RYR3: variants seen among roughly 807,000 people sequenced by gnomAD.
RYR3 encodes brain ryanodine receptor-calcium release channel.
In RYR3, 207 loss-of-function variants were observed where a neutral mutation model predicts 584.3. The ratio of observed to expected loss-of-function variants is 0.35; its 90% CI spans 0.32 to 0.40. RYR3 has a LOEUF of 0.40. Ranked by LOEUF, RYR3 falls within the 10% of genes least tolerant of loss-of-function variation. The pLI, the probability that RYR3 is intolerant of heterozygous loss-of-function variation, is 1.00. For missense variants in RYR3, 5,616 were observed against 6,089.2 expected (o/e 0.92, Z 2.59); for synonymous variants, 2,416 against 2,248.5 (o/e 1.07, Z -2.11).
rs1456113465 is a variant in RYR3 at position 33,680,437 on chromosome 15, T to C, written c.5860+9881T>C. Among the ~76,000 whole-genome samples the C allele has an allele frequency of 3.9e-5, 6 of 152,240 alleles. No homozygotes were observed. The South Asian group carries it at 6.2e-4, about 16-fold the overall frequency. ...GCTCTGCTCACTCTCCAGGCAGTCA[T>C]CTTGCTTCTTGTTCCAGCTTTGCCC... On this transcript the variant is annotated intron_variant, in intron 38 of 103. Coordinates refer to ENST00000634891, the MANE Select transcript of RYR3 (RefSeq NM_001036.6).
intron 90 of RYR3, 44 bp from the exon 91 acceptor site, chr15:33,841,820 C>T (rs568012352): frequency 3.1e-5 from 48 of 1,544,570 alleles, no homozygotes; most frequent in East Asian, 1.9e-4. Context: ...TGGGCCAGAC[C>T]GCCCTCCCGT....
intron 102 of RYR3, among the ~76,000 whole-genome samples, chr15:33,862,232 G>C (rs1045888221): frequency 1.3e-5 from 2 of 152,158 alleles, no homozygotes; most frequent in African/African-American, 4.8e-5. Flanking sequence ...TTTCGAGATA[G>C]ATAGGGTCTC....
chr15:33,451,206 C>T (rs1348084557), intron 1 of RYR3, among the ~76,000 whole-genome samples: 1 of 152,164 alleles, frequency 6.6e-6, no homozygotes, highest in African/African-American at 2.4e-5. Context: ...ACATAACAGG[C>T]ACTCCATAAA....
rs575622296 is a variant in RYR3 at position 33,514,245 on chromosome 15, G to A, written c.279+10507G>A. Among the ~76,000 whole-genome samples the A allele has an allele frequency of 4.6e-5, 7 of 152,260 alleles. No homozygotes were observed. The East Asian group carries it at 7.7e-4, about 17-fold the overall frequency. ...CGAGAGAGAAACATGCATTGGCACC[G>A]GCACTGATAAGAATCACCTGGTGCC... On this transcript the variant is annotated intron_variant, in intron 3 of 103. Coordinates refer to ENST00000634891, the MANE Select transcript of RYR3 (RefSeq NM_001036.6).
chr15:33,725,973 C>CCCCG lies in RYR3; in HGVS notation c.6913-410_6913-409insGCCC, dbSNP rs1567033714. The stretch of plus-strand genomic sequence containing the variant: ...TGACAGAGCAAGACTCCATCCCCCC[C>CCCCG]CCCAAAAAAAAAAAAAAAAAAAAAC... On this transcript the variant is annotated intron_variant, in intron 45 of 103. Coordinates refer to ENST00000634891, the MANE Select transcript of RYR3 (RefSeq NM_001036.6). Among the ~76,000 whole-genome samples, 11 of 23,080 alleles carry CCCCG rather than the reference C, an allele frequency of 4.8e-4. 1 individual carries two copies. The highest frequency in any genetic ancestry group is 2.7e-3 in the South Asian group (1 of 366). 15.1% of individuals were successfully genotyped at this position (23,080 alleles called of 152,430 possible).
rs533986958 is a variant in RYR3, at chr15:33,567,274, C to T, written c.1268+475C>T. The stretch of plus-strand genomic sequence containing the variant: ...GCTGTGGCTTAAATGGGAAAATTAA[C>T]GGAACTGTCTGCTTGGATCATAATC... On this transcript the variant is annotated intron_variant, in intron 12 of 103. Transcript: ENST00000634891. 2.0e-4 allele frequency among the ~76,000 whole-genome samples: 31 copies of T among 152,310 alleles called. No homozygotes were observed. In the South Asian group the frequency reaches 3.3e-3, roughly 16 times the overall value.
At chr15:33,845,660 T>G (rs1164731889) in intron 93 of RYR3, among the ~76,000 whole-genome samples, 1 of 152,212 alleles carries the variant, frequency 6.6e-6, no homozygotes, top group Non-Finnish European at 1.5e-5. Context: ...TTCAGGTACC[T>G]CTTGTTGAAT....
At chr15:33,705,982 C>CAG (rs2066681949) in intron 42 of RYR3, among the ~76,000 whole-genome samples, 2 of 152,146 alleles carry the variant, frequency 1.3e-5, no homozygotes. Context: ...CTGGAAAAAC[C>CAG]AGGAACTGAC....
chr15:33,341,943 T>C (rs1258824546), intron 1 of RYR3, among the ~76,000 whole-genome samples: 1 of 152,196 alleles, frequency 6.6e-6, no homozygotes. Context: ...GGGTGACCTA[T>C]GCAAAGCCAC....
At chr15:33,647,336 A>G (rs2062156697) in intron 29 of RYR3, 88 bp from the exon 30 acceptor site, 2 of 1,027,456 alleles carry the variant, frequency 1.9e-6, no homozygotes, top group African/African-American at 1.6e-5. Flanking sequence ...ACTTGACTTG[A>G]TCATTGAAGG....
At chr15:33,365,008 C>T (rs1975286984) in intron 1 of RYR3, among the ~76,000 whole-genome samples, 1 of 152,136 alleles carries the variant, frequency 6.6e-6, no homozygotes, top group South Asian at 2.1e-4. Flanking sequence ...AGGACACATA[C>T]TGAAGATGGA....
At position 33,539,343 on chromosome 15, in the gene RYR3, C is replaced by T. The variant is rs2055610598; in HGVS notation, c.434-7C>T. 6.4e-7 allele frequency: 1 copy of T among 1,565,986 alleles called. No homozygotes were observed. The highest frequency in any genetic ancestry group is 2.3e-5 in the East Asian group (1 of 43,386). On this transcript the variant is annotated splice_region_variant and splice_polypyrimidine_tract_variant and intron_variant, in intron 5 of 103. Transcript: ENST00000634891. ...AGCAATGACTAACTCAAGGAGCCTT[C>T]ATGTAGGAGAAGCCTGTTGGTGGAC...
chr15:33,705,647 A>G (rs922321707), intron 42 of RYR3, among the ~76,000 whole-genome samples: 1 of 152,240 alleles, frequency 6.6e-6, no homozygotes. Context: ...AGATCTCGTG[A>G]TAAGTGTCTG....
chr15:33,354,949 C>T (rs1458037653), intron 1 of RYR3, among the ~76,000 whole-genome samples: 6 of 151,998 alleles, frequency 3.9e-5, no homozygotes, highest in Middle Eastern at 3.2e-3. Context: ...TTTGGGAGGC[C>T]GAGGCGGGCA....
At chr15:33,707,754 A>G (rs1438391168) in intron 43 of RYR3, among the ~76,000 whole-genome samples, 1 of 152,178 alleles carries the variant, frequency 6.6e-6, no homozygotes, top group Non-Finnish European at 1.5e-5. Flanking sequence ...CAGGCTAACA[A>G]ATTGCACTAA....
chr15:33,860,692 A>G, intron 101 of RYR3, 33 bp downstream of exon 101: 1 of 1,422,446 alleles, frequency 7.0e-7, no homozygotes. Flanking sequence ...TCCCAGCTCT[A>G]TTTTAATATC....
intron 43 of RYR3, among the ~76,000 whole-genome samples, chr15:33,717,614 C>T (rs933955771): frequency 1.6e-4 from 24 of 152,188 alleles, no homozygotes; most frequent in Admixed American, 1.6e-3. Context: ...TTCCCTCCTT[C>T]TACTCTCTTA....
chr15:33,575,508 A>G (rs995278755), intron 12 of RYR3, among the ~76,000 whole-genome samples: 1 of 152,170 alleles, frequency 6.6e-6, no homozygotes, highest in African/African-American at 2.4e-5. Flanking sequence ...CTGCTCCTGA[A>G]TGACTCCTGG....
rs1208787433 is a variant in RYR3 at position 33,859,565 on chromosome 15, TC to T, written c.14143-9del. 6.2e-7 allele frequency: 1 copy of T among 1,613,458 alleles called. No homozygotes were observed. Among genetic ancestry groups the T allele is most frequent in the East Asian group, 2.2e-5 (1 of 44,874 alleles). On this transcript the variant is annotated splice_polypyrimidine_tract_variant and intron_variant, in intron 99 of 103. Transcript: ENST00000634891. The stretch of plus-strand genomic sequence containing the variant: ...CTTTTGCCTAAATCCCCCTTATTTT[TC>T]TTCTCTAGTGTTACCTTTTCCACAT...
Sources: gnomAD v4.1 joint callset for allele counts (sites outside exome capture counted in the v4.1 genomes callset) on GRCh38, gnomAD v4.1.1 for gene constraint, MANE v1.5 for transcripts, NCBI Gene and HGNC (gene_info 2026-07-23, HGNC 2026-07-21) for gene names.